CDKAL1: variants seen among roughly 807,000 people sequenced by gnomAD.
CDKAL1 encodes the protein threonylcarbamoyladenosine tRNA methylthiotransferase.
Under a neutral mutation model 68.2 loss-of-function variants are expected in CDKAL1, and 32 were observed. That is an observed-to-expected ratio of 0.47 (90% confidence interval 0.35 to 0.63). The LOEUF (loss-of-function observed/expected upper bound fraction) is 0.63. Ranked by LOEUF, CDKAL1 falls within the 30% of genes least tolerant of loss-of-function variation. The probability of loss-of-function intolerance (pLI) is 0.00; values close to 1 mark genes in which losing one functional copy is unlikely to be tolerated. For synonymous variants in CDKAL1, 234 were observed against 244.3 expected (o/e 0.96, Z 0.39); for missense variants, 606 against 696.7 (o/e 0.87, Z 1.47).
intron 9 of CDKAL1, among the ~76,000 whole-genome samples, chr6:20,945,414 T>C (rs1388407757): frequency 6.6e-6 from 1 of 152,224 alleles, no homozygotes; most frequent in Admixed American, 6.5e-5. Context: ...AATATTTACC[T>C]GTAGTTCAAA....
At chr6:21,128,856 G>A (rs1164517719) in intron 13 of CDKAL1, among the ~76,000 whole-genome samples, 1 of 152,210 alleles carries the variant, frequency 6.6e-6, no homozygotes, top group African/African-American at 2.4e-5. Flanking sequence ...CTGTTAAGGG[G>A]TGTTGAACAG....
intron 12 of CDKAL1, among the ~76,000 whole-genome samples, chr6:21,070,186 CTGTG>C (rs1237098648): frequency 2.6e-5 from 4 of 152,144 alleles, no homozygotes; most frequent in African/African-American, 9.7e-5. Flanking sequence ...TGGTTCCACT[CTGTG>C]TAGTTATTTT....
At chr6:20,642,488 A>AC (rs1554167885) in intron 4 of CDKAL1, among the ~76,000 whole-genome samples, 4 of 151,168 alleles carry the variant, frequency 2.6e-5, no homozygotes, top group African/African-American at 4.9e-5. Context: ...AAAAAAAAAA[A>AC]AAAAACACTG....
chr6:20,672,940 C>A (rs377597036), intron 5 of CDKAL1, among the ~76,000 whole-genome samples: 8 of 152,032 alleles, frequency 5.3e-5, no homozygotes. Context: ...CCATGCCCAG[C>A]TAATTTTTGT....
chr6:20,891,920 C>T (rs773757112), intron 9 of CDKAL1, among the ~76,000 whole-genome samples: 6 of 152,154 alleles, frequency 3.9e-5, no homozygotes, highest in Non-Finnish European at 8.8e-5. Context: ...GTCTTATCTA[C>T]GGAGTTGTTT....
chr6:20,669,971 TA>T (rs113960849), intron 5 of CDKAL1, among the ~76,000 whole-genome samples: 1 of 151,998 alleles, frequency 6.6e-6, no homozygotes, highest in African/African-American at 2.4e-5. Context: ...GTATATGTAT[TA>T]AAAAAACACG....
At chr6:20,826,516 A>T (rs765147804) in intron 8 of CDKAL1, among the ~76,000 whole-genome samples, 1 of 152,132 alleles carries the variant, frequency 6.6e-6, no homozygotes, top group African/African-American at 2.4e-5. Flanking sequence ...TTTAAATGGC[A>T]CACGAGTGTC....
chr6:20,912,919 G>A (rs951671539), intron 9 of CDKAL1, among the ~76,000 whole-genome samples: 2 of 151,118 alleles, frequency 1.3e-5, no homozygotes, highest in Admixed American at 6.6e-5. Context: ...TATCCAATAT[G>A]TACATATCTA....
intron 6 of CDKAL1, among the ~76,000 whole-genome samples, chr6:20,749,945 A>G (rs956350493): frequency 2.0e-5 from 3 of 151,908 alleles, no homozygotes; most frequent in East Asian, 1.9e-4. Context: ...GGCTCAAACA[A>G]TCTTCCCGCC....
At chr6:20,774,370 A>G (rs1350744419) in intron 7 of CDKAL1, among the ~76,000 whole-genome samples, 4 of 152,274 alleles carry the variant, frequency 2.6e-5, no homozygotes, top group South Asian at 2.1e-4. Flanking sequence ...GTTAATAGAT[A>G]TATTTTGTAG....
At chr6:21,148,735 T>G (rs1221831426) in intron 13 of CDKAL1, among the ~76,000 whole-genome samples, 1 of 152,148 alleles carries the variant, frequency 6.6e-6, no homozygotes, top group African/African-American at 2.4e-5. Flanking sequence ...CAAAGAGTGA[T>G]AGTATATTGA....
chr6:20,596,097 A>T (rs967560999), intron 4 of CDKAL1, among the ~76,000 whole-genome samples: 1 of 151,962 alleles, frequency 6.6e-6, no homozygotes, highest in African/African-American at 2.4e-5. Flanking sequence ...GTGTCTGTCA[A>T]CCCCTTCTGG....
intron 10 of CDKAL1, among the ~76,000 whole-genome samples, chr6:20,991,024 T>C (rs994659037): frequency 6.6e-6 from 1 of 152,192 alleles, no homozygotes; most frequent in Non-Finnish European, 1.5e-5. Context: ...TATGAGGATG[T>C]ATGGTTTAAT....
intron 4 of CDKAL1, among the ~76,000 whole-genome samples, chr6:20,588,331 A>T (rs1330254475): frequency 6.6e-6 from 1 of 152,210 alleles, no homozygotes; most frequent in Non-Finnish European, 1.5e-5. Context: ...TATTCTTCAA[A>T]GCTACCTTCT....
intron 11 of CDKAL1, among the ~76,000 whole-genome samples, chr6:21,039,697 A>T (rs1769803383): frequency 6.6e-6 from 1 of 152,256 alleles, no homozygotes; most frequent in South Asian, 2.1e-4. Context: ...CATTTCTATA[A>T]AATATGGAAT....
rs1554171489 is a variant in CDKAL1, at chr6:21,079,976, C to CTCTGTGTGTGTGTGTGTG, written c.1236+14749_1236+14750insCTGTGTGTGTGTGTGTGT. ...TAAGATAAGCTTATCAACTTTGTCT[C>CTCTGTGTGTGTGTGTGTG]TGTGTGTGTGTGTGTGTGTGTGTGT... On this transcript the variant is annotated intron_variant, in intron 12 of 15. Coordinates refer to ENST00000274695, the MANE Select transcript of CDKAL1 (RefSeq NM_017774.3). 1.8e-4 allele frequency among the ~76,000 whole-genome samples: 25 copies of CTCTGTGTGTGTGTGTGTG among 135,840 alleles called. No individual in the cohort carries two copies. In the East Asian group the frequency reaches 3.0e-3, roughly 16 times the overall value. The allele number at this position is 135,840 out of a possible 152,430, so 89.1% of individuals were successfully genotyped here. A position where few individuals can be genotyped will look rare whatever the true frequency, so the allele number is the denominator to read the frequency against.
At chr6:20,787,950 G>A (rs1309193727) in intron 8 of CDKAL1, among the ~76,000 whole-genome samples, 2 of 152,214 alleles carry the variant, frequency 1.3e-5, no homozygotes, top group South Asian at 2.1e-4. Flanking sequence ...TTAGGCTAGT[G>A]TGTGTTGTAA....
At chr6:20,964,971 T>A (rs16884325) in intron 10 of CDKAL1, among the ~76,000 whole-genome samples, 14,429 of 152,080 alleles carry the variant, frequency 0.095, 1,184 homozygotes, top group African/African-American at 0.23. Context: ...GATACCATGG[T>A]TGTCAAGATG....
intron 9 of CDKAL1, among the ~76,000 whole-genome samples, chr6:20,887,573 A>G (rs914554618): frequency 2.7e-5 from 4 of 150,888 alleles, no homozygotes; most frequent in African/African-American, 9.7e-5. Flanking sequence ...AAAGTGCAAG[A>G]TATGATTTCA....
Sources: gnomAD v4.1 joint callset for allele counts (sites outside exome capture counted in the v4.1 genomes callset) on GRCh38, gnomAD v4.1.1 for gene constraint, MANE v1.5 for transcripts, NCBI Gene and HGNC (gene_info 2026-07-23, HGNC 2026-07-21) for gene names.